VTA1: variants seen among roughly 807,000 people sequenced by gnomAD.
VTA1 encodes vesicle trafficking 1.
A neutral mutation model predicts 36.9 loss-of-function variants in VTA1; 24 were observed. The observed-to-expected ratio is 0.65, with a 90% CI of 0.47 to 0.91. VTA1 has a LOEUF of 0.91. Ranked by LOEUF, VTA1 falls within the 40% of genes least tolerant of loss-of-function variation. The pLI is 0.00. For synonymous variants in VTA1, 142 were observed against 130.2 expected, an observed-to-expected ratio of 1.09 and a Z score of -0.62; for missense variants, 393 against 377.2, an observed-to-expected ratio of 1.04 and a Z score of -0.35.
intron 5 of VTA1, 71 bp from the exon 6 acceptor site, chr6:142,198,368 A>G: frequency 7.0e-7 from 1 of 1,434,796 alleles, no homozygotes; most frequent in Non-Finnish European, 9.4e-7. Context: ...CATGTGTATA[A>G]TGAAATAAGA....
chr6:142,216,458 ATATCTC>A (rs1053861046), intron 7 of VTA1, among the ~76,000 whole-genome samples: 2 of 152,150 alleles, frequency 1.3e-5, no homozygotes, highest in Admixed American at 6.5e-5. Context: ...TTGAAAATAA[ATATCTC>A]TATATGTTTA....
intron 7 of VTA1, among the ~76,000 whole-genome samples, chr6:142,206,965 A>G (rs1775804084): frequency 6.6e-6 from 1 of 152,176 alleles, no homozygotes; most frequent in African/African-American, 2.4e-5. Context: ...TGATGCCTAA[A>G]TTTGAACTCC....
intron 4 of VTA1, among the ~76,000 whole-genome samples, chr6:142,185,450 A>G (rs1775322143): frequency 6.6e-6 from 1 of 152,182 alleles, no homozygotes; most frequent in Non-Finnish European, 1.5e-5. Flanking sequence ...AATTACCTTC[A>G]TTAGTTTTCA....
chr6:142,177,870 A>G (rs572374110), intron 4 of VTA1, among the ~76,000 whole-genome samples: 49 of 152,278 alleles, frequency 3.2e-4, no homozygotes, highest in South Asian at 1.0e-3. Context: ...CATGGAAACT[A>G]TCCTAAACTG....
chr6:142,171,595 G>T (rs1562259517), intron 4 of VTA1, among the ~76,000 whole-genome samples: 1 of 152,038 alleles, frequency 6.6e-6, no homozygotes. Flanking sequence ...GGGCAAATGG[G>T]GCTAAATGAC....
chr6:142,178,255 T>C (rs377664011), intron 4 of VTA1, among the ~76,000 whole-genome samples: 25 of 151,954 alleles, frequency 1.6e-4, no homozygotes, highest in Admixed American at 1.2e-3. Context: ...TTTTAAAAAA[T>C]TGGAGGCTGG....
intron 4 of VTA1, among the ~76,000 whole-genome samples, chr6:142,182,488 G>T (rs1023207492): frequency 6.6e-6 from 1 of 152,192 alleles, no homozygotes; most frequent in African/African-American, 2.4e-5. Context: ...GATAATGCTT[G>T]CTAGGACCAG....
intron 7 of VTA1, among the ~76,000 whole-genome samples, chr6:142,204,537 T>A (rs1034590980): frequency 1.3e-5 from 2 of 152,202 alleles, no homozygotes; most frequent in African/African-American, 4.8e-5. Context: ...TTAAGTATAA[T>A]CTTTACTACT....
intron 2 of VTA1, among the ~76,000 whole-genome samples, chr6:142,167,196 G>A (rs1774933420): frequency 6.6e-6 from 1 of 152,110 alleles, no homozygotes; most frequent in Non-Finnish European, 1.5e-5. Context: ...ACAGATCACT[G>A]TAGAGGTACT....
At position 142,218,707 on chromosome 6, in the gene VTA1, T is replaced by A. The variant is rs3736731; in HGVS notation, c.*64T>A. ...GAACTAACAGTCCATTACTCTATCT[T>A]CAGCCTATCAGGATCACAGTTTTAA... On this transcript the variant is annotated 3_prime_UTR_variant, in exon 8 of 8. Transcript: ENST00000367630. The A allele has an allele frequency of 6.7e-7, 1 of 1,500,996 alleles. No homozygotes were observed. Among genetic ancestry groups the A allele is most frequent in the East Asian group, 2.4e-5 (1 of 41,122 alleles). The allele number at this position is 1,500,996 out of a possible 1,614,324, so 93.0% of individuals were successfully genotyped here.
chr6:142,213,768 G>A lies in VTA1; in HGVS notation c.779-4730G>A, dbSNP rs777499137. Among the ~76,000 whole-genome samples, 8 of 152,306 alleles carry A rather than the reference G, an allele frequency of 5.3e-5. No homozygotes were observed. The South Asian group carries it at 1.7e-3, about 32-fold the overall frequency. On this transcript the variant is annotated intron_variant, in intron 7 of 7. Transcript: ENST00000367630. Reference sequence around the variant, plus strand: ...TCCCTTTTAGCTATGGCTGGAGCTGGAGCAGCTGGGGTGCCATGTCCCAAG... The same window carrying A: ...TCCCTTTTAGCTATGGCTGGAGCTGAAGCAGCTGGGGTGCCATGTCCCAAG...
Position 142,147,384 on chromosome 6 carries a change from G to T in VTA1, c.97G>T (p.Val33Leu). Residue 33 changes from valine (V) to leucine (L), a missense_variant, in exon 1 of 8, where the codon GTG becomes TTG. Val to Leu is a conservative substitution (Grantham distance 32, BLOSUM62 1). Coordinates refer to ENST00000367630, the MANE Select transcript of VTA1 (RefSeq NM_016485.5). ...TCAGGAGCATGACAAGCGAGACCCT[G>T]TGGTGGCTTATTACTGTGAGTCTTT... ...TAQEHDKRDP[V>L]VAYYCRLYAM... The T allele has an allele frequency of 6.2e-7, 1 of 1,614,112 alleles. No individual in the cohort carries two copies. The highest frequency in any genetic ancestry group is 8.5e-7 in the Non-Finnish European group (1 of 1,179,998).
Position 142,147,469 on chromosome 6 carries a change from G to A in VTA1, c.112+70G>A. The A allele has an allele frequency of 2.0e-6, 3 of 1,465,398 alleles. No homozygotes were observed. In the South Asian group the frequency reaches 3.6e-5, roughly 17 times the overall value. 90.8% of individuals were successfully genotyped at this position (1,465,398 alleles called of 1,614,324 possible). A position where few individuals can be genotyped will look rare whatever the true frequency, so the allele number is the denominator to read the frequency against. On this transcript the variant is annotated intron_variant, in intron 1 of 7. Transcript: ENST00000367630. ...TTTAGGGCCCACACACCTCCCTGAGGTTCTTGGGGCATGCCCCGCCCCCCT... is the reference window on the plus strand; with the variant it reads ...TTTAGGGCCCACACACCTCCCTGAGATTCTTGGGGCATGCCCCGCCCCCCT...
At chr6:142,196,362 A>G (rs939686911) in intron 5 of VTA1, among the ~76,000 whole-genome samples, 8 of 152,172 alleles carry the variant, frequency 5.3e-5, no homozygotes, top group Non-Finnish European at 1.0e-4. Context: ...CTGGATATTT[A>G]CATGGTTTGT....
chr6:142,198,163 G>GTGTGTGTA (rs1400033605), intron 5 of VTA1, among the ~76,000 whole-genome samples: 3 of 66,918 alleles, frequency 4.5e-5, no homozygotes, highest in South Asian at 5.5e-4. Flanking sequence ...GTGTGTGTGT[G>GTGTGTGTA]TATATGTGTG....
intron 7 of VTA1, among the ~76,000 whole-genome samples, chr6:142,214,117 T>G (rs1228124922): frequency 6.6e-6 from 1 of 152,222 alleles, no homozygotes; most frequent in Admixed American, 6.5e-5. Context: ...GCCTACACTT[T>G]TAGAAACAGT....
chr6:142,201,188 A>G (rs907962319), intron 6 of VTA1, among the ~76,000 whole-genome samples: 2 of 151,794 alleles, frequency 1.3e-5, no homozygotes, highest in Non-Finnish European at 3.0e-5. Context: ...ATTTTTTTCT[A>G]TTATATTTGA....
rs1775009301 is a variant in VTA1, at chr6:142,170,534, A to C, written c.411+113A>C. 5 of 683,996 alleles carry C rather than the reference A, an allele frequency of 7.3e-6. No individual in the cohort carries two copies. In the South Asian group the frequency reaches 1.9e-4, roughly 26 times the overall value. The allele number at this position is 683,996 out of a possible 1,614,324, so 42.4% of individuals were successfully genotyped here. A position where few individuals can be genotyped will look rare whatever the true frequency, so the allele number is the denominator to read the frequency against. The stretch of plus-strand genomic sequence containing the variant: ...CAGAATGTCTGTCAGAAATTAATGC[A>C]AGCAAAAAATGTAATTTTGCATTTT... On this transcript the variant is annotated intron_variant, in intron 4 of 7. Coordinates refer to ENST00000367630, the MANE Select transcript of VTA1 (RefSeq NM_016485.5).
rs1270965202 is a variant in VTA1, at chr6:142,165,467, C to T, written c.113-761C>T. On this transcript the variant is annotated intron_variant, in intron 1 of 7. Coordinates refer to ENST00000367630, the MANE Select transcript of VTA1 (RefSeq NM_016485.5). ...AAAACTTCGTTGCATTTTGTTGTTGCATTTGTGCACAACAGTTGTAATGAA... is the reference window on the plus strand; with the variant it reads ...AAAACTTCGTTGCATTTTGTTGTTGTATTTGTGCACAACAGTTGTAATGAA... 2.0e-5 allele frequency among the ~76,000 whole-genome samples: 3 copies of T among 152,160 alleles called. No homozygotes were observed. The East Asian group carries it at 5.8e-4, about 29-fold the overall frequency.
Sources: gnomAD v4.1 joint callset for allele counts (sites outside exome capture counted in the v4.1 genomes callset) on GRCh38, gnomAD v4.1.1 for gene constraint, MANE v1.5 for transcripts, NCBI Gene and HGNC (gene_info 2026-07-23, HGNC 2026-07-21) for gene names.